Variants in PTGER3 observed in about 807,000 individuals in gnomAD.
PTGER3 encodes prostaglandin E receptor 3.
PTGER3 carries 22 observed loss-of-function variants against 34.7 expected under a neutral mutation model. The observed-to-expected ratio is 0.63, with a 90% CI of 0.45 to 0.91. PTGER3 has a LOEUF of 0.91. PTGER3 is among the 40% of genes least tolerant of loss of function. PTGER3 has a pLI of 0.00. For missense variants in PTGER3, 468 were observed against 519.4 expected (o/e 0.90, Z 0.96); for synonymous variants, 241 against 230.1 (o/e 1.05, Z -0.43).
chr1:70,917,697 C>G (rs1303659383), intron 4 of PTGER3, among the ~76,000 whole-genome samples: 1 of 151,580 alleles, frequency 6.6e-6, no homozygotes, highest in East Asian at 1.9e-4. Flanking sequence ...GTTCTTTTTT[C>G]TCTGCCAGCA....
At chr1:70,951,231 A>C (rs549990343), downstream of PTGER3, 4 of 152,356 alleles carry the variant, frequency 2.6e-5, no homozygotes, top group South Asian at 8.3e-4. Flanking sequence ...GAATAATAAA[A>C]GAAAATAACA....
At chr1:70,874,273 G>A (rs1646226929) in intron 4 of PTGER3, among the ~76,000 whole-genome samples, 1 of 152,146 alleles carries the variant, frequency 6.6e-6, no homozygotes, top group South Asian at 2.1e-4. Flanking sequence ...CAGAATGGCA[G>A]ACCTGAGCTT....
chr1:71,001,975 A>G (rs895615680), intron 2 of PTGER3, among the ~76,000 whole-genome samples: 1 of 152,194 alleles, frequency 6.6e-6, no homozygotes, highest in Non-Finnish European at 1.5e-5. Context: ...AAGTGTCTTT[A>G]CTGGGTGCAA....
At chr1:70,999,021 AAAC>A (rs1656238113) in intron 2 of PTGER3, among the ~76,000 whole-genome samples, 1 of 152,144 alleles carries the variant, frequency 6.6e-6, no homozygotes, top group South Asian at 2.1e-4. Flanking sequence ...CTCTACCAAA[AAAC>A]AAAAAATTAG....
At chr1:70,853,097 A>C (rs907303958) in intron 4 of PTGER3, among the ~76,000 whole-genome samples, 3 of 152,224 alleles carry the variant, frequency 2.0e-5, no homozygotes, top group African/African-American at 7.2e-5. Context: ...ATTTTTCTAC[A>C]AACATCTACT....
intron 4 of PTGER3, among the ~76,000 whole-genome samples, chr1:70,929,654 G>A (rs1648505082): frequency 6.6e-6 from 1 of 152,130 alleles, no homozygotes; most frequent in African/African-American, 2.4e-5. Context: ...AAGTTCCCAA[G>A]GAATAGCTCT....
intron 1 of PTGER3, among the ~76,000 whole-genome samples, chr1:71,015,215 G>T (rs189902761): frequency 1.3e-5 from 2 of 152,292 alleles, no homozygotes; most frequent in East Asian, 3.9e-4. Context: ...TTGTGTGTGT[G>T]TGTGTGTGAT....
intron 4 of PTGER3, among the ~76,000 whole-genome samples, chr1:70,906,324 A>G (rs1354416097): frequency 6.6e-6 from 1 of 152,368 alleles, no homozygotes; most frequent in East Asian, 1.9e-4. Context: ...GTAAAGGGAA[A>G]TGGTGCAGAA....
In PTGER3 at chr1:70,935,880, G is replaced by A. The variant is rs537801473; in HGVS notation, c.*23+17883C>T. ...GTCTTAGATTTTACCAAGATGAAAC[G>A]AATGGGAAGTAAGCTGGGAAAAGGG... On this transcript the variant is annotated intron_variant, in intron 4 of 4. Coordinates refer to the PTGER3 transcript ENST00000370931. Among the ~76,000 whole-genome samples, 5 of 151,958 alleles carry A rather than the reference G, an allele frequency of 3.3e-5. No individual in the cohort carries two copies. In the South Asian group the frequency reaches 6.2e-4, roughly 19 times the overall value.
chr1:70,858,257 T>C (rs1645854258), intron 4 of PTGER3, among the ~76,000 whole-genome samples: 2 of 151,536 alleles, frequency 1.3e-5, no homozygotes, highest in Non-Finnish European at 2.9e-5. Flanking sequence ...TGCTCTTTAG[T>C]ATCACCTATA....
At chr1:70,965,055 A>C (rs754898638) in intron 2 of PTGER3, among the ~76,000 whole-genome samples, 8 of 152,206 alleles carry the variant, frequency 5.3e-5, no homozygotes, top group Non-Finnish European at 1.2e-4. Flanking sequence ...AGGGTTAGTC[A>C]CATACAGAAA....
chr1:70,952,957 C>T (rs568020055), exon 4 of PTGER3: 30 of 1,613,120 alleles, frequency 1.9e-5, no homozygotes, highest in Middle Eastern at 1.7e-4. Context: ...ATGCTGCTCA[C>T]GAGTACCTCC....
chr1:71,045,642 C>T (rs1031153474), intron 1 of PTGER3, among the ~76,000 whole-genome samples: 1 of 152,152 alleles, frequency 6.6e-6, no homozygotes, highest in African/African-American at 2.4e-5. Flanking sequence ...CTGCAAACAT[C>T]CCTTGCTCCT....
At chr1:70,957,586 AT>A (rs1651475990) in intron 2 of PTGER3, among the ~76,000 whole-genome samples, 1 of 152,168 alleles carries the variant, frequency 6.6e-6, no homozygotes, top group South Asian at 2.1e-4. Flanking sequence ...TGACACAATA[AT>A]ATTACATATT....
intron 2 of PTGER3, among the ~76,000 whole-genome samples, chr1:70,978,196 T>C (rs1161911458): frequency 1.3e-5 from 2 of 152,116 alleles, no homozygotes; most frequent in East Asian, 1.9e-4. Context: ...TTGGTTTTCA[T>C]TCCTGTGCTA....
intron 2 of PTGER3, chr1:71,008,822 T>C (rs961467694): frequency 1.0e-6 from 1 of 955,496 alleles, no homozygotes. Flanking sequence ...AGATAAAAAA[T>C]AGAAATTTTA....
chr1:71,029,403 T>C (rs1305966570), intron 1 of PTGER3, among the ~76,000 whole-genome samples: 1 of 152,230 alleles, frequency 6.6e-6, no homozygotes, highest in Admixed American at 6.5e-5. Flanking sequence ...AAAGTTACTT[T>C]ACATCTCAAA....
intron 2 of PTGER3, among the ~76,000 whole-genome samples, chr1:70,964,802 TA>T (rs1652337478): frequency 1.3e-5 from 2 of 152,226 alleles, no homozygotes; most frequent in Admixed American, 6.5e-5. Context: ...CAAACTTTCA[TA>T]GTTGATTGTT....
In PTGER3 at chr1:71,047,462, C is replaced by G; in HGVS notation, c.116G>C (p.Arg39Pro). Residue 39 changes from arginine (R) to proline (P), a missense_variant, in exon 1 of 4, where the codon CGC (arginine) becomes CCC (proline). This residue lies in a region of PTGER3 where 151 missense variants were observed against 133.5 expected (regional missense o/e 1.13). Transcript: ENST00000306666. ...RSAEARGNLT[R>P]PPGSGEDCGS... ...GCAATCCTCGCCAGACCCTGGAGGG[C>G]GCGTGAGGTTGCCCCGCGCCTCGGC... The G allele has an allele frequency of 6.2e-7, 1 of 1,609,966 alleles. No individual in the cohort carries two copies. Among genetic ancestry groups the G allele is most frequent in the Non-Finnish European group, 8.5e-7 (1 of 1,179,104 alleles).
Sources: gnomAD v4.1 joint callset for allele counts (sites outside exome capture counted in the v4.1 genomes callset) on GRCh38, gnomAD v4.1.1 for gene constraint, gnomAD v4.1.1 regional missense constraint, MANE v1.5 for transcripts, NCBI Gene and HGNC (gene_info 2026-07-23, HGNC 2026-07-21) for gene names.